RUNX1: variants seen among roughly 807,000 people sequenced by gnomAD.
RUNX1 encodes RUNX family transcription factor 1.
Under a neutral mutation model 42.8 loss-of-function variants are expected in RUNX1, and 19 were observed. The observed-to-expected ratio is 0.44, with a 90% confidence interval of 0.31 to 0.65. The LOEUF (loss-of-function observed/expected upper bound fraction) is 0.65. RUNX1 is among the 30% of genes least tolerant of loss of function. RUNX1 has a pLI of 0.07. For synonymous variants in RUNX1, 271 were observed against 289.4 expected (o/e 0.94, Z 0.64); for missense variants, 528 against 672.0 (o/e 0.79, Z 2.37).
At chr21:34,821,845 T>TTTCCC (rs1210975104) in intron 7 of RUNX1, 2 of 671,346 alleles carry the variant, frequency 3.0e-6, no homozygotes, top group Non-Finnish European at 4.7e-6. Context: ...AATAACAAGA[T>TTTCCC]TTCCCTTCCC....
intron 6 of RUNX1, among the ~76,000 whole-genome samples, chr21:34,844,311 C>G (rs2057285877): frequency 6.6e-6 from 1 of 152,160 alleles, no homozygotes; most frequent in Admixed American, 6.5e-5. Flanking sequence ...CAGGCATCAG[C>G]AGGGCTAGTC....
chr21:34,891,822 G>A (rs1189604240), intron 3 of RUNX1, among the ~76,000 whole-genome samples: 1 of 152,140 alleles, frequency 6.6e-6, no homozygotes, highest in South Asian at 2.1e-4. Flanking sequence ...CTCACAACAG[G>A]AATGAAATGT....
intron 2 of RUNX1, among the ~76,000 whole-genome samples, chr21:34,913,634 T>C (rs1178519759): frequency 2.6e-5 from 4 of 152,158 alleles, no homozygotes; most frequent in African/African-American, 9.7e-5. Context: ...TGCCACAAGG[T>C]TTCAATCTGG....
intron 6 of RUNX1, among the ~76,000 whole-genome samples, chr21:34,847,552 G>GAT (rs2057335270): frequency 1.3e-5 from 2 of 152,036 alleles, no homozygotes; most frequent in South Asian, 4.2e-4. Flanking sequence ...AAAGCACATT[G>GAT]ATATATATTA....
At position 34,907,507 on chromosome 21, in the gene RUNX1, C is replaced by T. The variant is rs941907167; in HGVS notation, c.59-14544G>A. ...GCCCTGGCATACTATTTACTTCTTA[C>T]TGTTTCTTGCTATTCAAAAAGTTTG... is the stretch of plus-strand genomic sequence containing the variant. On this transcript the variant is annotated intron_variant, in intron 2 of 8. Coordinates refer to ENST00000675419, the MANE Select transcript of RUNX1 (RefSeq NM_001754.5). The surrounding 1 kb of genome is among the most constrained non-coding windows in gnomAD (Gnocchi z 5.3). Among the ~76,000 whole-genome samples the T allele has an allele frequency of 2.0e-5, 3 of 152,086 alleles. No homozygotes were observed. The highest frequency in any genetic ancestry group is 4.4e-5 in the Non-Finnish European group (3 of 68,016).
chr21:34,989,169 C>A (rs1240477865), intron 2 of RUNX1, among the ~76,000 whole-genome samples: 1 of 152,096 alleles, frequency 6.6e-6, no homozygotes, highest in Non-Finnish European at 1.5e-5. Flanking sequence ...CCGCCACACC[C>A]AGCTAATTTT....
At chr21:34,961,376 GATAATA>G (rs910419791) in intron 2 of RUNX1, among the ~76,000 whole-genome samples, 2 of 143,976 alleles carry the variant, frequency 1.4e-5, no homozygotes, top group Non-Finnish European at 3.0e-5. Flanking sequence ...TAATAATAAT[GATAATA>G]ATAATAATAA....
rs374114548 is a variant in RUNX1 at position 34,913,487 on chromosome 21, GT to G, written c.59-20525del. Among the ~76,000 whole-genome samples the G allele has an allele frequency of 2.5e-4, 38 of 152,294 alleles. No homozygotes were observed. In the South Asian group the frequency reaches 7.5e-3, roughly 30 times the overall value. Reference sequence around the variant, plus strand: ...GTGTCAGCTTTGGGAACAGTGGTTGGTGGCATCTGCAGCCTTCTGCGTCAGC... The same window carrying G: ...GTGTCAGCTTTGGGAACAGTGGTTGGGGCATCTGCAGCCTTCTGCGTCAGC... On this transcript the variant is annotated intron_variant, in intron 2 of 8. Coordinates refer to ENST00000675419, the MANE Select transcript of RUNX1 (RefSeq NM_001754.5).
intron 2 of RUNX1, among the ~76,000 whole-genome samples, chr21:35,000,130 G>T (rs2146870687): frequency 6.6e-6 from 1 of 152,076 alleles, no homozygotes; most frequent in South Asian, 2.1e-4. Context: ...AGGTATCTAA[G>T]GAATTTTTGT....
chr21:34,896,262 A>G, intron 2 of RUNX1, among the ~76,000 whole-genome samples: 1 of 152,160 alleles, frequency 6.6e-6, no homozygotes, highest in East Asian at 1.9e-4. Flanking sequence ...AGTTTCAGAG[A>G]CTGTTTCCAG....
intron 6 of RUNX1, among the ~76,000 whole-genome samples, chr21:34,854,419 T>C (rs180769395): frequency 2.6e-5 from 4 of 151,654 alleles, no homozygotes; most frequent in African/African-American, 7.3e-5. Flanking sequence ...ACCATCTCTA[T>C]GAAAAAAATT....
intron 5 of RUNX1, among the ~76,000 whole-genome samples, chr21:34,865,538 C>G (rs902226959): frequency 3.9e-5 from 6 of 152,188 alleles, no homozygotes; most frequent in African/African-American, 1.4e-4. Flanking sequence ...AAAATACTAA[C>G]TGCTTTATTT....
rs1195239182 is a variant in RUNX1 at position 34,907,283 on chromosome 21, TG to T, written c.59-14321del. On this transcript the variant is annotated intron_variant, in intron 2 of 8. Transcript: ENST00000675419. This position sits in a 1 kb window ranked among gnomAD's most constrained non-coding sequence, Gnocchi z 5.3. ...TCTAATTTAGCAAAAAGAAGTATGC[TG>T]CCATGTGAAAAGTTTCTAAACAGTG... 1.3e-5 allele frequency among the ~76,000 whole-genome samples: 2 copies of T among 152,178 alleles called. No homozygotes were observed. The highest frequency in any genetic ancestry group is 1.3e-4 in the Admixed American group (2 of 15,278).
chr21:34,881,628 G>C (rs1445442642), intron 4 of RUNX1, among the ~76,000 whole-genome samples: 1 of 152,202 alleles, frequency 6.6e-6, no homozygotes, highest in African/African-American at 2.4e-5. Context: ...TGCTAGCCCA[G>C]CTGATCTTGA....
rs1369895404 is a variant in RUNX1 at position 34,979,329 on chromosome 21, GC to G, written c.58+69512del. 6.6e-5 allele frequency among the ~76,000 whole-genome samples: 10 copies of G among 151,236 alleles called. No homozygotes were observed. In the South Asian group the frequency reaches 2.1e-3, roughly 32 times the overall value. ...ATAAGTCATAGTCTTTATAACCAAT[GC>G]TTTTTTTTTTTGTTTGCATAGGTTG... On this transcript the variant is annotated intron_variant, in intron 2 of 8. Coordinates refer to ENST00000675419, the MANE Select transcript of RUNX1 (RefSeq NM_001754.5).
intron 2 of RUNX1, among the ~76,000 whole-genome samples, chr21:35,013,324 T>C (rs998933977): frequency 1.3e-5 from 2 of 152,222 alleles, no homozygotes; most frequent in African/African-American, 4.8e-5. Flanking sequence ...TAAAATCTAA[T>C]CTAAATGAGA....
intron 6 of RUNX1, among the ~76,000 whole-genome samples, chr21:34,846,984 C>A (rs957201585): frequency 6.6e-6 from 1 of 152,140 alleles, no homozygotes; most frequent in African/African-American, 2.4e-5. Flanking sequence ...CATTTCACCT[C>A]CCTGAAATCA....
intron 2 of RUNX1, among the ~76,000 whole-genome samples, chr21:35,000,838 C>T (rs1203546797): frequency 6.6e-6 from 1 of 152,210 alleles, no homozygotes; most frequent in Non-Finnish European, 1.5e-5. Flanking sequence ...AATGACAGCC[C>T]TGCACACGCA....
intron 2 of RUNX1, among the ~76,000 whole-genome samples, chr21:35,046,787 C>T (rs936399631): frequency 3.3e-5 from 5 of 152,014 alleles, no homozygotes; most frequent in African/African-American, 1.2e-4. Flanking sequence ...ATTATATTAC[C>T]AAATTAGAGA....
Sources: allele counts gnomAD v4.1 joint callset (sites outside exome capture counted in the v4.1 genomes callset), GRCh38; gene constraint gnomAD v4.1.1; non-coding constraint Gnocchi (gnomAD v3.1); transcripts MANE v1.5; gene names NCBI Gene and HGNC (gene_info 2026-07-23, HGNC 2026-07-21).